The following GPAT3 variants were observed in gnomAD, a reference collection of about 807,000 sequenced individuals.
The protein encoded by GPAT3 is 1-AGP acyltransferase 9.
Under a neutral mutation model 58.8 loss-of-function variants are expected in GPAT3, and 53 were observed. The observed-to-expected ratio is 0.90, with a 90% CI of 0.72 to 1.13. The LOEUF is 1.13. Among genes scored for constraint, GPAT3 ranks in the 50% most tolerant of loss-of-function variants. The probability of loss-of-function intolerance (pLI) is 0.00; values close to 1 mark genes in which losing one functional copy is unlikely to be tolerated. For synonymous variants in GPAT3, 197 were observed against 187.4 expected, an observed-to-expected ratio of 1.05 and a Z score of -0.42; for missense variants, 511 against 527.6, an observed-to-expected ratio of 0.97 and a Z score of 0.31.
chr4:83,545,635 T>C (rs1724478010), intron 2 of GPAT3, among the ~76,000 whole-genome samples: 1 of 152,206 alleles, frequency 6.6e-6, no homozygotes, highest in Admixed American at 6.5e-5. Flanking sequence ...CTAGTAGAGC[T>C]TCATGGTGTA....
intron 1 of GPAT3, among the ~76,000 whole-genome samples, chr4:83,544,304 G>A (rs1724421079): frequency 1.3e-5 from 2 of 152,322 alleles, no homozygotes; most frequent in Admixed American, 6.5e-5. Context: ...AGGCAGTTGA[G>A]AAAGGGTAAA....
At chr4:83,571,686 A>G (rs539574582) in intron 2 of GPAT3, among the ~76,000 whole-genome samples, 15 of 100,936 alleles carry the variant, frequency 1.5e-4, no homozygotes, top group South Asian at 8.4e-4. Flanking sequence ...ATATATGTGT[A>G]TATATATATA....
At chr4:83,583,791 A>G (rs1007514598) in intron 3 of GPAT3, among the ~76,000 whole-genome samples, 5 of 151,292 alleles carry the variant, frequency 3.3e-5, no homozygotes, top group Non-Finnish European at 5.9e-5. Context: ...CCTGGCCAAC[A>G]TGGTTAAACT....
chr4:83,547,123 C>T lies in GPAT3; in HGVS notation c.208+2521C>T, dbSNP rs1254362337. Among the ~76,000 whole-genome samples the T allele has an allele frequency of 3.3e-5, 5 of 151,952 alleles. No homozygotes were observed. In the South Asian group the frequency reaches 8.3e-4, roughly 25 times the overall value. ...GCAAGGGTCACAGGCAGGCCAAGGA[C>T]CCCAGGAGTGTGGGTACAATTTTGA... On this transcript the variant is annotated intron_variant, in intron 2 of 11. Coordinates refer to ENST00000264409, the MANE Select transcript of GPAT3 (RefSeq NM_032717.5).
intron 6 of GPAT3, among the ~76,000 whole-genome samples, chr4:83,593,391 C>T (rs1016347069): frequency 6.6e-6 from 1 of 151,988 alleles, no homozygotes; most frequent in Non-Finnish European, 1.5e-5. Flanking sequence ...GGCTTGAACT[C>T]CTGACCTCAA....
intron 2 of GPAT3, among the ~76,000 whole-genome samples, chr4:83,579,026 CT>C (rs1560620906): frequency 3.4e-4 from 5 of 14,522 alleles, no homozygotes; most frequent in Non-Finnish European, 7.5e-4. Flanking sequence ...CCCTTTCTTT[CT>C]TTCTTTCTTT....
At chr4:83,560,184 C>G (rs184284314) in intron 2 of GPAT3, among the ~76,000 whole-genome samples, 1 of 152,250 alleles carries the variant, frequency 6.6e-6, no homozygotes, top group African/African-American at 2.4e-5. Flanking sequence ...TGCCTAGAGG[C>G]CCATGAAGTT....
chr4:83,590,885 C>CTTTTTTTTTTTTTTTTTTTTTT (rs5859882), intron 6 of GPAT3, among the ~76,000 whole-genome samples: 1 of 114,314 alleles, frequency 8.7e-6, no homozygotes, highest in Non-Finnish European at 1.8e-5. Flanking sequence ...GAATCATATT[C>CTTTTTTTTTTTTTTTTTTTTTT]TTTTTTTTTT....
In GPAT3 at chr4:83,561,514, G is replaced by A. The variant is rs144914748; in HGVS notation, c.208+16912G>A. 1.2e-4 allele frequency among the ~76,000 whole-genome samples: 18 copies of A among 152,168 alleles called. No homozygotes were observed. In the East Asian group the frequency reaches 2.5e-3, roughly 21 times the overall value. On this transcript the variant is annotated intron_variant, in intron 2 of 11. Transcript: ENST00000264409. Reference sequence around the variant, plus strand: ...AAATAAAATAACATCCTCATTGTCAGTGACTCATTGTCCAAATCAATGAGT... The same window carrying A: ...AAATAAAATAACATCCTCATTGTCAATGACTCATTGTCCAAATCAATGAGT...
intron 2 of GPAT3, among the ~76,000 whole-genome samples, chr4:83,559,640 C>T (rs916188868): frequency 6.6e-6 from 1 of 152,166 alleles, no homozygotes; most frequent in Non-Finnish European, 1.5e-5. Context: ...GAAAGTTCTT[C>T]ATCAGTTCTT....
chr4:83,567,606 C>T (rs1453576079), intron 2 of GPAT3, among the ~76,000 whole-genome samples: 2 of 152,022 alleles, frequency 1.3e-5, no homozygotes, highest in Non-Finnish European at 2.9e-5. Flanking sequence ...TTCTCCTTCC[C>T]TTGTCAGTTT....
rs1726405444 is a variant in GPAT3, at chr4:83,587,150, T to A, written c.480-105T>A. 6.0e-6 allele frequency: 5 copies of A among 833,942 alleles called. No individual in the cohort carries two copies. In the South Asian group the frequency reaches 8.1e-5, roughly 14 times the overall value. 51.7% of individuals were successfully genotyped at this position (833,942 alleles called of 1,614,324 possible). On this transcript the variant is annotated intron_variant, in intron 3 of 11. Coordinates refer to ENST00000264409, the MANE Select transcript of GPAT3 (RefSeq NM_032717.5). ...TTAGTGGCTGCATCATATTTCATCA[T>A]GTGGATACTCTACAACTTATTTACA... is the stretch of plus-strand genomic sequence containing the variant.
chr4:83,554,108 C>T (rs573606867), intron 2 of GPAT3, among the ~76,000 whole-genome samples: 120 of 152,058 alleles, frequency 7.9e-4, no homozygotes, highest in African/African-American at 2.8e-3. Flanking sequence ...CCTCACACCT[C>T]ATCCTCCTAA....
chr4:83,596,984 T>G, intron 8 of GPAT3, 71 bp downstream of exon 8: 1 of 1,443,560 alleles, frequency 6.9e-7, no homozygotes, highest in East Asian at 2.3e-5. Flanking sequence ...AGGAATAGAA[T>G]TGCCATAGAA....
rs546103206 is a variant in GPAT3, at chr4:83,562,337, C to A, written c.208+17735C>A. Among the ~76,000 whole-genome samples, 6 of 149,686 alleles carry A rather than the reference C, an allele frequency of 4.0e-5. No individual in the cohort carries two copies. In the South Asian group the frequency reaches 1.3e-3, roughly 31 times the overall value. ...TGAATATGCAGGTTTACGTCAAATC[C>A]TAAAAGGCTTTAAGTGAATGCCAGG... On this transcript the variant is annotated intron_variant, in intron 2 of 11. Transcript: ENST00000264409.
intron 2 of GPAT3, among the ~76,000 whole-genome samples, chr4:83,549,060 C>G (rs1427868813): frequency 6.7e-6 from 1 of 150,292 alleles, no homozygotes; most frequent in African/African-American, 2.5e-5. Flanking sequence ...TGAGAAATAT[C>G]AAGTCAGGTG....
chr4:83,593,166 CTT>C (rs761351611), intron 6 of GPAT3, among the ~76,000 whole-genome samples: 17 of 112,324 alleles, frequency 1.5e-4, no homozygotes, highest in East Asian at 5.8e-4. Context: ...CGAGCCAGGA[CTT>C]TTTTTTTTTT....
intron 10 of GPAT3, 89 bp downstream of exon 10, chr4:83,598,268 C>T (rs886113314): frequency 2.0e-6 from 3 of 1,522,410 alleles, no homozygotes; most frequent in African/African-American, 2.8e-5. Flanking sequence ...CCATGTCATG[C>T]TTTTCTGCTT....
chr4:83,581,449 A>G, intron 2 of GPAT3, 113 bp from the exon 3 acceptor site: 1 of 1,179,524 alleles, frequency 8.5e-7, no homozygotes, highest in South Asian at 1.5e-5. Context: ...GATGTCACCC[A>G]TTAAACTTAT....
Sources: allele counts gnomAD v4.1 joint callset (sites outside exome capture counted in the v4.1 genomes callset), GRCh38; gene constraint gnomAD v4.1.1; transcripts MANE v1.5; gene names NCBI Gene and HGNC (gene_info 2026-07-23, HGNC 2026-07-21).